PLPP4: variants seen among roughly 807,000 people sequenced by gnomAD.
PLPP4 encodes the protein phospholipid phosphatase 4.
In PLPP4, 20 loss-of-function variants were observed where a neutral mutation model predicts 32.2. The ratio of observed to expected loss-of-function variants is 0.62; its 90% CI spans 0.44 to 0.90. The LOEUF is 0.90. Among genes scored for constraint, PLPP4 ranks in the 40% least tolerant of loss-of-function variants. PLPP4 has a pLI of 0.00. For synonymous variants in PLPP4, 127 were observed against 133.0 expected, an observed-to-expected ratio of 0.95 and a Z score of 0.31; for missense variants, 257 against 353.1, an observed-to-expected ratio of 0.73 and a Z score of 2.18.
At chr10:120,533,529 A>G (rs1433566298) in intron 5 of PLPP4, among the ~76,000 whole-genome samples, 3 of 152,102 alleles carry the variant, frequency 2.0e-5, no homozygotes, top group African/African-American at 7.2e-5. Flanking sequence ...GATGTAGTCA[A>G]ATTTATCTAT....
chr10:120,554,256 G>T (rs1013194372), intron 5 of PLPP4, among the ~76,000 whole-genome samples: 1 of 152,172 alleles, frequency 6.6e-6, no homozygotes, highest in African/African-American at 2.4e-5. Flanking sequence ...TAGAGCAGGG[G>T]CACAAGTCTG....
upstream of PLPP4, chr10:120,457,009 G>A (rs1021997090): frequency 1.8e-5 from 3 of 162,946 alleles, no homozygotes; most frequent in African/African-American, 7.2e-5. Flanking sequence ...AGGCGGAGGC[G>A]GCTCCTGGGG....
At chr10:120,557,126 G>C (rs543982008) in intron 5 of PLPP4, among the ~76,000 whole-genome samples, 1 of 152,292 alleles carries the variant, frequency 6.6e-6, no homozygotes, top group East Asian at 1.9e-4. Flanking sequence ...GAATCATGCT[G>C]ACCATCGTAA....
At chr10:120,563,280 A>T (rs2134016879) in intron 5 of PLPP4, among the ~76,000 whole-genome samples, 1 of 152,320 alleles carries the variant, frequency 6.6e-6, no homozygotes, top group South Asian at 2.1e-4. Context: ...AAAAGATGTA[A>T]AGATACATTT....
chr10:120,588,758 G>A (rs915251473), intron 6 of PLPP4, among the ~76,000 whole-genome samples: 2 of 152,204 alleles, frequency 1.3e-5, no homozygotes, highest in African/African-American at 4.8e-5. Flanking sequence ...AAGAAATACA[G>A]GGAAGGGCTG....
Position 120,504,022 on chromosome 10 carries a change from T to C in PLPP4, c.165+96T>C. 3.7e-5 allele frequency: 31 copies of C among 826,902 alleles called. No homozygotes were observed. The South Asian group carries it at 4.9e-4, about 13-fold the overall frequency. The allele number at this position is 826,902 out of a possible 1,614,324, so 51.2% of individuals were successfully genotyped here. ...TTTTTCTAACCCTGAAGACAGTGGG[T>C]GGCCTGAGAGAAAGAGAAGGAGAGC... is the stretch of plus-strand genomic sequence containing the variant. On this transcript the variant is annotated intron_variant, in intron 2 of 6. Coordinates refer to ENST00000398250, the MANE Select transcript of PLPP4 (RefSeq NM_001030059.3).
rs188196681 is a variant in PLPP4 at position 120,480,760 on chromosome 10, C to T, written c.57-23058C>T. ...GACCTAAAGGGTGCTAATCTGCCCC[C>T]AACACTGCTCCTGCCCCCTTGTCTT... On this transcript the variant is annotated intron_variant, in intron 1 of 6. Coordinates refer to ENST00000398250, the MANE Select transcript of PLPP4 (RefSeq NM_001030059.3). 2.0e-5 allele frequency among the ~76,000 whole-genome samples: 3 copies of T among 152,296 alleles called. No individual in the cohort carries two copies. In the East Asian group the frequency reaches 5.8e-4, roughly 29 times the overall value.
chr10:120,573,867 A>C (rs11596999), intron 5 of PLPP4, among the ~76,000 whole-genome samples: 67,000 of 151,886 alleles, frequency 0.44, 15,169 homozygotes, highest in Non-Finnish European at 0.5. Flanking sequence ...AAATGCCTGC[A>C]TGATGCCCAG....
At chr10:120,535,737 G>A (rs1166795424) in intron 5 of PLPP4, among the ~76,000 whole-genome samples, 1 of 151,984 alleles carries the variant, frequency 6.6e-6, no homozygotes, top group Non-Finnish European at 1.5e-5. Flanking sequence ...CCTGTTTCAT[G>A]ATGTGACTTC....
At chr10:120,546,399 CTG>C (rs1007281836) in intron 5 of PLPP4, among the ~76,000 whole-genome samples, 47 of 152,294 alleles carry the variant, frequency 3.1e-4, no homozygotes, top group African/African-American at 9.4e-4. Context: ...CATCTCTTCT[CTG>C]TGGCACCAGC....
intron 4 of PLPP4, among the ~76,000 whole-genome samples, chr10:120,519,745 A>G (rs1846075183): frequency 6.6e-6 from 1 of 152,150 alleles, no homozygotes; most frequent in Non-Finnish European, 1.5e-5. Context: ...GAGCTGAAGG[A>G]CCAGTGACCA....
chr10:120,478,951 G>T (rs927071949), intron 1 of PLPP4, among the ~76,000 whole-genome samples: 4 of 152,218 alleles, frequency 2.6e-5, no homozygotes, highest in Admixed American at 6.5e-5. Context: ...AACTGGCTGG[G>T]CGCAGTGGCT....
chr10:120,581,946 G>A (rs1398803280), intron 6 of PLPP4, among the ~76,000 whole-genome samples: 1 of 152,174 alleles, frequency 6.6e-6, no homozygotes. Flanking sequence ...GGCTGTATGT[G>A]GCCATGAGAT....
At chr10:120,481,533 G>A (rs569425881) in intron 1 of PLPP4, among the ~76,000 whole-genome samples, 27 of 152,294 alleles carry the variant, frequency 1.8e-4, no homozygotes, top group African/African-American at 6.3e-4. Context: ...AATGATAATG[G>A]CAACCACAAT....
intron 1 of PLPP4, among the ~76,000 whole-genome samples, chr10:120,477,151 T>A (rs1843966346): frequency 6.6e-6 from 1 of 152,006 alleles, no homozygotes; most frequent in African/African-American, 2.4e-5. Context: ...TGATTAATTA[T>A]CTGTGTACTT....
intron 6 of PLPP4, among the ~76,000 whole-genome samples, chr10:120,580,013 G>A (rs1044913101): frequency 7.3e-5 from 11 of 150,990 alleles, no homozygotes; most frequent in East Asian, 5.8e-4. Flanking sequence ...CCAGCTACTC[G>A]GGAGGCTGAG....
At chr10:120,498,243 T>C (rs1241555668) in intron 1 of PLPP4, among the ~76,000 whole-genome samples, 3 of 152,184 alleles carry the variant, frequency 2.0e-5, no homozygotes, top group African/African-American at 7.2e-5. Flanking sequence ...TATTTTTAGT[T>C]TGAATCCCTA....
In PLPP4 at chr10:120,491,350, C is replaced by T. The variant is rs1045536427; in HGVS notation, c.57-12468C>T. On this transcript the variant is annotated intron_variant, in intron 1 of 6. Transcript: ENST00000398250. ...TTTTGGAGGCATTCAGGGCCACATC[C>T]GAGCCAGGGAGAGGGCTCCTCAGTG... Among the ~76,000 whole-genome samples the T allele has an allele frequency of 1.6e-4, 25 of 152,284 alleles. No homozygotes were observed. In the East Asian group the frequency reaches 2.5e-3, roughly 15 times the overall value.
rs1277364224 is a variant in PLPP4 at position 120,518,899 on chromosome 10, A to G, written c.320+3A>G. 1.2e-6 allele frequency: 2 copies of G among 1,608,616 alleles called. No homozygotes were observed. Among genetic ancestry groups the G allele is most frequent in the South Asian group, 1.1e-5 (1 of 89,836 alleles). On this transcript the variant is annotated splice_donor_region_variant and intron_variant, in intron 4 of 6. Transcript: ENST00000398250. The stretch of plus-strand genomic sequence containing the variant: ...ACTATTAAATTAATAGTGGGAAGGT[A>G]AGTTCCAAGAAGAATGAAATGGTGA...
Sources: gnomAD v4.1 joint callset for allele counts (sites outside exome capture counted in the v4.1 genomes callset) on GRCh38, gnomAD v4.1.1 for gene constraint, MANE v1.5 for transcripts, NCBI Gene and HGNC (gene_info 2026-07-23, HGNC 2026-07-21) for gene names.